Variants in ANK2 observed in about 807,000 individuals in gnomAD.
ANK2 encodes ankyrin-2.
Under a neutral mutation model 360.5 loss-of-function variants are expected in ANK2, and 83 were observed. The ratio of observed to expected loss-of-function variants is 0.23; its 90% confidence interval spans 0.19 to 0.28. ANK2 has a LOEUF of 0.28. ANK2 is among the 10% of genes least tolerant of loss of function. The probability of loss-of-function intolerance (pLI) is 1.00; values close to 1 mark genes in which losing one functional copy is unlikely to be tolerated. For missense variants in ANK2, 4,201 were observed against 4,795.7 expected (o/e 0.88, Z 3.66); for synonymous variants, 1,740 against 1,759.5 (o/e 0.99, Z 0.28).
chr4:112,973,248 GCATGTCTTTCATGATTTTATTTT>G (rs1458698952), intron 2 of ANK2, among the ~76,000 whole-genome samples: 1 of 151,036 alleles, frequency 6.6e-6, no homozygotes, highest in African/African-American at 2.4e-5. Flanking sequence ...AGATTGAAAT[GCATGTCTTTCATGATTTTATTTT>G]GAAAATTAAG....
At chr4:113,180,509 G>T (rs1416031746) in intron 2 of ANK2, among the ~76,000 whole-genome samples, 1 of 152,120 alleles carries the variant, frequency 6.6e-6, no homozygotes, top group African/African-American at 2.4e-5. Flanking sequence ...AACATAAAAG[G>T]TATTGCCATA....
At chr4:113,208,544 C>G (rs924920328) in intron 4 of ANK2, among the ~76,000 whole-genome samples, 2 of 151,728 alleles carry the variant, frequency 1.3e-5, no homozygotes, top group Non-Finnish European at 2.9e-5. Context: ...ACTCTGTCAC[C>G]CAAGCTGGAG....
At chr4:112,975,425 G>GA (rs1199055917) in intron 2 of ANK2, among the ~76,000 whole-genome samples, 2 of 151,506 alleles carry the variant, frequency 1.3e-5, no homozygotes, top group Admixed American at 6.6e-5. Flanking sequence ...TACTTGAAAG[G>GA]AAAAAAAATA....
rs2153957647 is a variant in ANK2 at position 113,335,858 on chromosome 4, C to T, written c.3392C>T (p.Pro1131Leu). The T allele has an allele frequency of 6.2e-7, 1 of 1,614,034 alleles. No homozygotes were observed. Among genetic ancestry groups the T allele is most frequent in the South Asian group, 1.1e-5 (1 of 91,074 alleles). ...TTTCTTGTCTTAGTACTGGATAGCC[C>T]AGAAGACCTAGAAAAGAAACGAATC... ...LNGMDEVLDS[P>L]EDLEKKRICR... Residue 1131 changes from proline to leucine, a missense_variant, in exon 30 of 46, where the codon CCA (proline) becomes CTA (leucine). Physicochemically the swap from Pro to Leu is moderately conservative, Grantham distance 98 (BLOSUM62 -3). Transcript: ENST00000357077.
intron 19 of ANK2, among the ~76,000 whole-genome samples, 198 bp downstream of exon 19, chr4:113,287,901 A>T (rs1430364092): frequency 6.6e-6 from 1 of 152,238 alleles, no homozygotes; most frequent in Non-Finnish European, 1.5e-5. Flanking sequence ...AGTGGATAGC[A>T]TGAGGTCAGG....
chr4:113,172,648 A>G (rs1562602114), intron 1 of ANK2, among the ~76,000 whole-genome samples: 1 of 152,202 alleles, frequency 6.6e-6, no homozygotes, highest in Non-Finnish European at 1.5e-5. Flanking sequence ...AGTACTTTCT[A>G]GGAACAACCT....
chr4:112,759,464 C>T, the ANK2 span, among the ~76,000 whole-genome samples: 5 of 152,280 alleles, frequency 3.3e-5, no homozygotes, highest in East Asian at 9.7e-4. Flanking sequence ...CTAATTACCA[C>T]ATTTGAATAG....
intron 2 of ANK2, among the ~76,000 whole-genome samples, chr4:112,935,462 C>G (rs970515940): frequency 1.3e-5 from 2 of 152,160 alleles, no homozygotes; most frequent in African/African-American, 4.8e-5. Context: ...CCTTTGAGAT[C>G]ATCTGTCTGG....
At chr4:112,709,035 GAGA>G in the ANK2 span, among the ~76,000 whole-genome samples, 1 of 152,134 alleles carries the variant, frequency 6.6e-6, no homozygotes, top group African/African-American at 2.4e-5. Context: ...TTCCAAAAAT[GAGA>G]AGGACAAGGA....
intron 1 of ANK2, among the ~76,000 whole-genome samples, chr4:113,146,494 A>C (rs1173543997): frequency 1.3e-5 from 2 of 152,202 alleles, no homozygotes; most frequent in African/African-American, 4.8e-5. Flanking sequence ...TTCAGTGAAG[A>C]GGTCCTTAAA....
intron 2 of ANK2, among the ~76,000 whole-genome samples, chr4:112,959,263 G>C (rs945624665): frequency 6.6e-6 from 1 of 151,970 alleles, no homozygotes; most frequent in African/African-American, 2.4e-5. Context: ...AGGTTATCTT[G>C]TTGGGGAAAA....
intron 2 of ANK2, among the ~76,000 whole-genome samples, chr4:112,975,312 T>C (rs1238319530): frequency 6.6e-6 from 1 of 152,190 alleles, no homozygotes; most frequent in Non-Finnish European, 1.5e-5. Flanking sequence ...TTTTATTTAT[T>C]TTTTGCTAGA....
At chr4:113,131,144 C>A (rs1414109890) in intron 1 of ANK2, among the ~76,000 whole-genome samples, 3 of 152,100 alleles carry the variant, frequency 2.0e-5, no homozygotes, top group South Asian at 2.1e-4. Context: ...GTTTTCAATT[C>A]AAATTTCCTA....
chr4:113,246,250 A>C (rs1180343380), intron 9 of ANK2, among the ~76,000 whole-genome samples: 1 of 152,152 alleles, frequency 6.6e-6, no homozygotes, highest in Non-Finnish European at 1.5e-5. Flanking sequence ...TTTCTCATTC[A>C]TAAGGTTTTT....
At chr4:113,188,663 G>A (rs1245509377) in intron 2 of ANK2, among the ~76,000 whole-genome samples, 1 of 152,052 alleles carries the variant, frequency 6.6e-6, no homozygotes, top group Non-Finnish European at 1.5e-5. Context: ...GTTTCAGATT[G>A]GCACTAAAAT....
chr4:113,031,915 A>G (rs2060499853), intron 2 of ANK2, among the ~76,000 whole-genome samples: 1 of 152,032 alleles, frequency 6.6e-6, no homozygotes, highest in South Asian at 2.1e-4. Flanking sequence ...AAAACAAGAC[A>G]TTTGTATTCA....
At chr4:113,004,849 G>C (rs997844172) in intron 2 of ANK2, among the ~76,000 whole-genome samples, 1 of 152,152 alleles carries the variant, frequency 6.6e-6, no homozygotes, top group Non-Finnish European at 1.5e-5. Flanking sequence ...GAGGTGATAG[G>C]AATTTTTCAG....
In ANK2 at chr4:113,220,748, G is replaced by A. The variant is rs142478565; in HGVS notation, c.385-11413G>A. ...AACTTTTCTGTAGAATGGGGTGATG[G>A]TAATTCAGCTATTAAATTCAAATGT... On this transcript the variant is annotated intron_variant, in intron 4 of 45. Transcript: ENST00000357077. Among the ~76,000 whole-genome samples, 245 of 152,282 alleles carry A rather than the reference G, an allele frequency of 1.6e-3. 2 individuals are homozygous for A. The East Asian group carries it at 0.031, about 19-fold the overall frequency.
At chr4:112,897,744 C>G (rs1295024433) in intron 1 of ANK2, among the ~76,000 whole-genome samples, 1 of 152,104 alleles carries the variant, frequency 6.6e-6, no homozygotes, top group African/African-American at 2.4e-5. Context: ...TTGCAATTCC[C>G]CTTGCTCACC....
Sources: allele counts gnomAD v4.1 joint callset (sites outside exome capture counted in the v4.1 genomes callset), GRCh38; gene constraint gnomAD v4.1.1; transcripts MANE v1.5; gene names NCBI Gene and HGNC (gene_info 2026-07-23, HGNC 2026-07-21).